Variants in USP26 observed in about 807,000 individuals in gnomAD.
USP26 encodes ubiquitin specific peptidase 26.
For missense variants in USP26, 649 were observed against 642.3 expected (o/e 1.01, Z -0.11); for synonymous variants, 236 against 240.6 (o/e 0.98, Z 0.18).
At chrX:133,033,423 G>A (rs2067385186) in intron 5 of USP26, among the ~76,000 whole-genome samples, 1 of 112,293 alleles carries the variant, frequency 8.9e-6, no homozygotes, top group Non-Finnish European at 1.9e-5. Flanking sequence ...GAATTCTCTA[G>A]ACTAGCAAAT....
chrX:133,038,918 C>T (rs767187729), intron 5 of USP26, among the ~76,000 whole-genome samples: 6 of 111,610 alleles, frequency 5.4e-5, no homozygotes, highest in African/African-American at 9.8e-5. Flanking sequence ...GGAATGTATC[C>T]GTTTCTTCTA....
At chrX:133,071,523 A>G (rs1239482425) in intron 5 of USP26, among the ~76,000 whole-genome samples, 1 of 109,242 alleles carries the variant, frequency 9.2e-6, no homozygotes, top group Non-Finnish European at 1.9e-5. Context: ...TATTAGGTTG[A>G]AAAAGATTCA....
chrX:133,036,503 T>C lies in USP26; in HGVS notation c.-76-8207A>G, dbSNP rs578194631. Among the ~76,000 whole-genome samples the C allele has an allele frequency of 2.6e-4, 29 of 111,691 alleles. No homozygotes were observed. The South Asian group carries it at 0.011, about 41-fold the overall frequency. On this transcript the variant is annotated intron_variant, in intron 5 of 5. Coordinates refer to ENST00000511190, the MANE Select transcript of USP26 (RefSeq NM_031907.3). ...TTCATCCATGTCCCTGCAAAGGACA[T>C]GAACTCATTCTTTTTTATGGCTGCA...
intron 5 of USP26, among the ~76,000 whole-genome samples, chrX:133,081,335 A>C (rs947300805): frequency 1.3e-4 from 4 of 29,921 alleles, no homozygotes; most frequent in Non-Finnish European, 2.6e-4. Flanking sequence ...TCTTTCTGTC[A>C]CTCCAGGCTG....
rs756113055 is a variant in USP26 at position 133,028,245 on chromosome X, G to A, written c.-25C>T. On this transcript the variant is annotated 5_prime_UTR_variant, in exon 6 of 6. It adds an upstream start codon to the 5' untranslated region. Transcript: ENST00000511190. The stretch of plus-strand genomic sequence containing the variant: ...TGTTTTCTTTACAAATAAAATATAC[G>A]TATCTCCGATTATTGATAATCTTGA... 9.9e-6 allele frequency: 12 copies of A among 1,206,784 alleles called. No individual in the cohort carries two copies. In the South Asian group the frequency reaches 1.4e-4, roughly 14 times the overall value.
intron 5 of USP26, among the ~76,000 whole-genome samples, chrX:133,047,858 A>G (rs1425375504): frequency 9.0e-6 from 1 of 111,499 alleles, no homozygotes; most frequent in African/African-American, 3.3e-5. Flanking sequence ...TTAACCTCAA[A>G]CTTCCCAGTC....
chrX:133,030,962 G>A (rs2067374233), intron 5 of USP26, among the ~76,000 whole-genome samples: 1 of 111,669 alleles, frequency 9.0e-6, no homozygotes, highest in South Asian at 3.8e-4. Flanking sequence ...ACATTTCTAG[G>A]TCAGTTCTCC....
At chrX:133,044,667 A>G (rs956019809) in intron 5 of USP26, among the ~76,000 whole-genome samples, 9 of 112,671 alleles carry the variant, frequency 8.0e-5, no homozygotes, top group African/African-American at 2.9e-4. Flanking sequence ...CCTGCTCCCC[A>G]CCGTGGGCTC....
At chrX:133,039,137 T>C (rs2067407704) in intron 5 of USP26, among the ~76,000 whole-genome samples, 1 of 111,592 alleles carries the variant, frequency 9.0e-6, no homozygotes, top group South Asian at 3.8e-4. Flanking sequence ...TGATTTTTTT[T>C]AACAGTTTTT....
At chrX:133,081,547 C>T (rs2067570397) in intron 5 of USP26, among the ~76,000 whole-genome samples, 1 of 111,353 alleles carries the variant, frequency 9.0e-6, no homozygotes, top group African/African-American at 3.3e-5. Context: ...CCACAAGCCT[C>T]AGCCTCCCAA....
Position 133,025,325 on chromosome X carries a change from T to G in USP26, c.*154A>C, listed in dbSNP as rs2067340965. On this transcript the variant is annotated 3_prime_UTR_variant, in exon 6 of 6. Transcript: ENST00000511190. The stretch of plus-strand genomic sequence containing the variant: ...TGAGGTGTCTGTGTCAGGATTAGAA[T>G]GCAGATCTCCCCATTAAGTGTTTCT... 1 of 852,551 alleles carries G rather than the reference T, an allele frequency of 1.2e-6. No homozygotes were observed. Among genetic ancestry groups the G allele is most frequent in the Non-Finnish European group, 1.6e-6 (1 of 613,210 alleles). The allele number at this position is 852,551 out of a possible 1,213,427, so 70.3% of individuals were successfully genotyped here.
intron 5 of USP26, among the ~76,000 whole-genome samples, chrX:133,051,505 G>T (rs111556554): frequency 0.035 from 3,872 of 112,088 alleles, 96 homozygotes; most frequent in East Asian, 0.1. Context: ...GTTACTTGCA[G>T]TTGAAAGCCC....
In USP26 at chrX:133,027,681, C is replaced by T; in HGVS notation, c.540G>A (p.Arg180=). The T allele has an allele frequency of 8.3e-7, 1 of 1,208,071 alleles. No homozygotes were observed. Among genetic ancestry groups the T allele is most frequent in the Non-Finnish European group, 1.1e-6 (1 of 892,820 alleles). ...GELSENQHKK[R]KRMLSSSSEM... ...CTGAGCTAGATGAGAGCATTCTTTT[C>T]CTCTTCTTGTGCTGATTTTCTGATA... The change falls in exon 6 of 6, where the codon AGG becomes AGA. Residue 180 remains arginine (R), a synonymous_variant. Coordinates refer to ENST00000511190, the MANE Select transcript of USP26 (RefSeq NM_031907.3).
At chrX:133,082,472 CA>C (rs907943021) in intron 5 of USP26, among the ~76,000 whole-genome samples, 14 of 111,916 alleles carry the variant, frequency 1.3e-4, no homozygotes, top group African/African-American at 4.5e-4. Flanking sequence ...TACAATCACA[CA>C]ACCACATGTT....
Position 133,025,437 on chromosome X carries a change from GA to G in USP26, c.*41del, listed in dbSNP as rs1429979697. ...TTCCATGGAGGAAGTGGTATCGAGT[GA>G]GACAGTCAGGCAGATCTGTACAAGG... is the stretch of plus-strand genomic sequence containing the variant. On this transcript the variant is annotated 3_prime_UTR_variant, in exon 6 of 6. Transcript: ENST00000511190. The G allele has an allele frequency of 1.7e-6, 2 of 1,207,021 alleles. No individual in the cohort carries two copies. The highest frequency in any genetic ancestry group is 3.5e-5 in the African/African-American group (2 of 56,964).
chrX:133,037,114 T>C (rs1156498725), intron 5 of USP26, among the ~76,000 whole-genome samples: 1 of 111,980 alleles, frequency 8.9e-6, no homozygotes, highest in African/African-American at 3.2e-5. Flanking sequence ...ATTTCTCCCA[T>C]TTGGTAGGTT....
At chrX:133,088,090 A>G (rs1368508846) in intron 4 of USP26, among the ~76,000 whole-genome samples, 1 of 111,678 alleles carries the variant, frequency 9.0e-6, no homozygotes, top group Non-Finnish European at 1.9e-5. Flanking sequence ...GGACTGCTTG[A>G]GCCCAGGAGT....
At chrX:133,081,165 T>A (rs926170459) in intron 5 of USP26, among the ~76,000 whole-genome samples, 1 of 110,431 alleles carries the variant, frequency 9.1e-6, no homozygotes, top group African/African-American at 3.3e-5. Context: ...GACTAATAAA[T>A]TCGTAGTTAA....
At chrX:133,062,424 T>C (rs1160480895) in intron 5 of USP26, among the ~76,000 whole-genome samples, 2 of 111,943 alleles carry the variant, frequency 1.8e-5, no homozygotes, top group Non-Finnish European at 3.8e-5. Context: ...GAACAGACTG[T>C]CTCCTCAAGT....
Sources: gnomAD v4.1 joint callset for allele counts (sites outside exome capture counted in the v4.1 genomes callset) on GRCh38, gnomAD v4.1.1 for gene constraint, MANE v1.5 for transcripts, NCBI Gene and HGNC (gene_info 2026-07-23, HGNC 2026-07-21) for gene names.